Variants in NOVA1 observed in about 807,000 individuals in gnomAD.
The protein encoded by NOVA1 is RNA-binding protein Nova-1.
In NOVA1, 7 loss-of-function variants were observed where a neutral mutation model predicts 38.0. The ratio of observed to expected loss-of-function variants is 0.18; its 90% CI spans 0.10 to 0.35. The LOEUF is 0.35. NOVA1 is among the 10% of genes least tolerant of loss of function. NOVA1 has a pLI of 1.00. For synonymous variants in NOVA1, 270 were observed against 232.5 expected (o/e 1.16, Z -1.47); for missense variants, 460 against 616.0 (o/e 0.75, Z 2.68).
chr14:26,579,545 A>G (rs1893081959), intron 2 of NOVA1, among the ~76,000 whole-genome samples: 1 of 152,214 alleles, frequency 6.6e-6, no homozygotes, highest in African/African-American at 2.4e-5. Flanking sequence ...ATCTTGCAAT[A>G]GTATTACATG....
chr14:26,594,157 A>T (rs187799074), intron 2 of NOVA1: 1 of 152,144 alleles, frequency 6.6e-6, no homozygotes, highest in African/African-American at 2.4e-5. Flanking sequence ...CTCATAGGAA[A>T]CAAACTTTAG....
intron 2 of NOVA1, among the ~76,000 whole-genome samples, chr14:26,533,865 AG>A (rs1413584256): frequency 1.3e-5 from 2 of 152,170 alleles, no homozygotes; most frequent in Admixed American, 1.3e-4. Flanking sequence ...TCTGAGAACA[AG>A]GTAAATTATC....
intron 2 of NOVA1, among the ~76,000 whole-genome samples, chr14:26,500,504 GA>G (rs1238512914): frequency 8.9e-5 from 13 of 145,302 alleles, no homozygotes; most frequent in African/African-American, 2.5e-4. Flanking sequence ...CCTCCCAGGA[GA>G]AAAAAAAAAG....
rs181957956 is a variant in NOVA1, at chr14:26,589,366, A to T, written c.280+6044T>A. The stretch of plus-strand genomic sequence containing the variant: ...AATACTTCAAACAGATTGAGAAATT[A>T]AAAACAACAGAAATAAATGACACAG... On this transcript the variant is annotated intron_variant, in intron 2 of 4. Coordinates refer to ENST00000539517, the MANE Select transcript of NOVA1 (RefSeq NM_002515.3). Among the ~76,000 whole-genome samples the T allele has an allele frequency of 6.8e-4, 103 of 151,908 alleles. 1 individual carries two copies. The highest frequency in any genetic ancestry group is 2.3e-3 in the African/African-American group (96 of 41,534).
intron 2 of NOVA1, among the ~76,000 whole-genome samples, chr14:26,510,449 G>A (rs1310475207): frequency 3.3e-5 from 5 of 152,126 alleles, no homozygotes; most frequent in Admixed American, 2.6e-4. Flanking sequence ...TAAAATAAAA[G>A]GGGAAGATTA....
chr14:26,516,015 C>A (rs1288594185), intron 2 of NOVA1, among the ~76,000 whole-genome samples: 1 of 152,122 alleles, frequency 6.6e-6, no homozygotes, highest in Non-Finnish European at 1.5e-5. Context: ...TCCAATCCTT[C>A]CACCTGTTTA....
chr14:26,509,881 T>C (rs1017792156), intron 2 of NOVA1, among the ~76,000 whole-genome samples: 5 of 152,132 alleles, frequency 3.3e-5, no homozygotes, highest in Non-Finnish European at 7.4e-5. Flanking sequence ...GGTTTCACCA[T>C]GTTGGTTAGG....
chr14:26,495,063 C>A (rs1384007139), intron 2 of NOVA1, among the ~76,000 whole-genome samples: 1 of 152,040 alleles, frequency 6.6e-6, no homozygotes, highest in Non-Finnish European at 1.5e-5. Flanking sequence ...GGAGTTAGGT[C>A]TTTTTTAGTT....
chr14:26,522,949 C>T (rs1033075213), intron 2 of NOVA1, among the ~76,000 whole-genome samples: 3 of 152,174 alleles, frequency 2.0e-5, no homozygotes, highest in Admixed American at 6.5e-5. Flanking sequence ...TCATTAGATT[C>T]TACTTCTAGT....
At chr14:26,508,146 A>T (rs1205894587) in intron 2 of NOVA1, among the ~76,000 whole-genome samples, 1 of 152,090 alleles carries the variant, frequency 6.6e-6, no homozygotes, top group Non-Finnish European at 1.5e-5. Flanking sequence ...TTTATTAATA[A>T]CTAATATGGC....
At chr14:26,519,268 C>T (rs1888699952) in intron 2 of NOVA1, 1 of 152,176 alleles carries the variant, frequency 6.6e-6, no homozygotes, top group South Asian at 2.1e-4. Context: ...AATCACAGTA[C>T]AACCTGTGAA....
intron 2 of NOVA1, among the ~76,000 whole-genome samples, chr14:26,496,738 T>G (rs1243903318): frequency 2.0e-5 from 3 of 152,200 alleles, no homozygotes; most frequent in Admixed American, 6.5e-5. Flanking sequence ...CAGCACCATT[T>G]ATTAAATAGG....
At chr14:26,452,850 G>A (rs1485385419) in intron 4 of NOVA1, among the ~76,000 whole-genome samples, 3 of 152,178 alleles carry the variant, frequency 2.0e-5, no homozygotes, top group East Asian at 1.9e-4. Context: ...GAAAGCTGGA[G>A]ATAAAGGATA....
At chr14:26,587,658 A>G (rs894399941) in intron 2 of NOVA1, among the ~76,000 whole-genome samples, 1 of 151,350 alleles carries the variant, frequency 6.6e-6, no homozygotes, top group African/African-American at 2.4e-5. Context: ...CTCTACCAGT[A>G]AGAGCTTACT....
At chr14:26,492,961 A>T (rs574364440) in intron 2 of NOVA1, among the ~76,000 whole-genome samples, 10 of 152,130 alleles carry the variant, frequency 6.6e-5, no homozygotes, top group African/African-American at 1.7e-4. Flanking sequence ...AAAATTAAAA[A>T]TAAGTAAATA....
At chr14:26,577,662 A>G (rs1892947187) in intron 2 of NOVA1, among the ~76,000 whole-genome samples, 1 of 152,194 alleles carries the variant, frequency 6.6e-6, no homozygotes, top group African/African-American at 2.4e-5. Flanking sequence ...TTCAACAGAA[A>G]GAGAGAAGGT....
intron 4 of NOVA1, among the ~76,000 whole-genome samples, chr14:26,462,579 T>C (rs903817441): frequency 6.6e-6 from 1 of 152,190 alleles, no homozygotes; most frequent in Non-Finnish European, 1.5e-5. Context: ...TTTCATGTTT[T>C]AACTCAAAAG....
intron 2 of NOVA1, among the ~76,000 whole-genome samples, chr14:26,481,201 A>C (rs1885426300): frequency 6.6e-6 from 1 of 152,072 alleles, no homozygotes; most frequent in African/African-American, 2.4e-5. Context: ...AAATTTTCCA[A>C]AAAATGGGAT....
chr14:26,475,746 G>A (rs1001578724), intron 3 of NOVA1, among the ~76,000 whole-genome samples: 2 of 152,042 alleles, frequency 1.3e-5, no homozygotes, highest in Admixed American at 1.3e-4. Flanking sequence ...AAAAAATCAA[G>A]AATTTAACAG....
Sources: allele counts gnomAD v4.1 joint callset (sites outside exome capture counted in the v4.1 genomes callset), GRCh38; gene constraint gnomAD v4.1.1; transcripts MANE v1.5; gene names NCBI Gene and HGNC (gene_info 2026-07-23, HGNC 2026-07-21).